The following CELSR3 variants were observed in gnomAD, a reference collection of about 807,000 sequenced individuals.
CELSR3 encodes the protein EGF-like protein 1.
Under a neutral mutation model 270.0 loss-of-function variants are expected in CELSR3, and 73 were observed. The ratio of observed to expected loss-of-function variants is 0.27; its 90% CI spans 0.22 to 0.33. The LOEUF is 0.33. Among genes scored for constraint, CELSR3 ranks in the 10% least tolerant of loss-of-function variants. The pLI is 1.00. For synonymous variants in CELSR3, 1,780 were observed against 1,905.4 expected (o/e 0.93, Z 1.71); for missense variants, 3,614 against 4,533.8 (o/e 0.80, Z 5.83).
rs1223025332 is a variant in CELSR3 at position 48,654,044 on chromosome 3, T to C, written c.5153-41A>G. 6.2e-7 allele frequency: 1 copy of C among 1,602,552 alleles called. No homozygotes were observed. Among genetic ancestry groups the C allele is most frequent in the Non-Finnish European group, 8.5e-7 (1 of 1,172,070 alleles). On this transcript the variant is annotated intron_variant, in intron 7 of 34. Transcript: ENST00000164024. The surrounding 1 kb of genome is among the most constrained non-coding windows in gnomAD (Gnocchi z 5.4). ...ACATGGCGGACATGAGAACAAGGGT[T>C]GGGGGGCACAAGTGCTGGACAGGAC...
chr3:48,659,746 G>A lies in CELSR3; in HGVS notation c.2889C>T (p.Ala963=). The change falls in exon 1 of 35, where the codon GCC becomes GCT. Residue 963 remains alanine (A), a synonymous_variant. Coordinates refer to ENST00000164024, the MANE Select transcript of CELSR3 (RefSeq NM_001407.3). The surrounding 1 kb of genome is among the most constrained non-coding windows in gnomAD (Gnocchi z 8.1). ...DVNDNAPQFV[A]SHYTGLVSED... ...CAGAGACCAGCCCTGTATAGTGGGA[G>A]GCCACAAATTGTGGAGCATTGTCAT... The A allele has an allele frequency of 6.2e-7, 1 of 1,614,220 alleles. No individual in the cohort carries two copies. The highest frequency in any genetic ancestry group is 8.5e-7 in the Non-Finnish European group (1 of 1,180,038).
rs1575539131 is a variant in CELSR3 at position 48,643,822 on chromosome 3, A to G, written c.8166-145T>C. The G allele has an allele frequency of 7.5e-6, 7 of 927,466 alleles. No individual in the cohort carries two copies. In the East Asian group the frequency reaches 1.6e-4, roughly 21 times the overall value. The allele number at this position is 927,466 out of a possible 1,614,324, so 57.5% of individuals were successfully genotyped here. ...GGGAACATGGAGGTCTCTGGAGGAC[A>G]CTGGGGGAGATGGGAGGTCCCACAA... On this transcript the variant is annotated intron_variant, in intron 27 of 34. Transcript: ENST00000164024.
In CELSR3 at chr3:48,644,990, G is replaced by A. The variant is rs749055287; in HGVS notation, c.7972+45C>T. 5 of 1,556,938 alleles carry A rather than the reference G, an allele frequency of 3.2e-6. No individual in the cohort carries two copies. The East Asian group carries it at 6.8e-5, about 21-fold the overall frequency. On this transcript the variant is annotated intron_variant, in intron 25 of 34. Coordinates refer to ENST00000164024, the MANE Select transcript of CELSR3 (RefSeq NM_001407.3). This position sits in a 1 kb window ranked among gnomAD's most constrained non-coding sequence, Gnocchi z 4.8. The stretch of plus-strand genomic sequence containing the variant: ...GAGCAGGAGTGGGGACAGGGTCAGG[G>A]GTCAGGCCATGTGATGGTTGGAGGT...
At position 48,648,826 on chromosome 3, in the gene CELSR3, T is replaced by C. The variant is rs1457947500; in HGVS notation, c.6670A>G (p.Ser2224Gly). 6.2e-7 allele frequency: 1 copy of C among 1,612,840 alleles called. No homozygotes were observed. Among genetic ancestry groups the C allele is most frequent in the Non-Finnish European group, 8.5e-7 (1 of 1,179,984 alleles). Residue 2224 changes from serine to glycine, a missense_variant, in exon 18 of 35, where the codon AGC becomes GGC. Around this residue, in one of 7 missense-constraint regions of CELSR3, gnomAD observed 1,331 missense variants for 1,933.7 expected, o/e 0.69. Transcript: ENST00000164024. Reference protein sequence around the residue: ...EVTGHTDHYFSQDVRVTARLL... With the variant: ...EVTGHTDHYFGQDVRVTARLL... ...CGGGCAGTGACTCGAACATCTTGGC[T>C]AAAATAGTGGTCAGTGTGGCCAGTC... is the stretch of plus-strand genomic sequence containing the variant.
chr3:48,644,817 C>T lies in CELSR3; in HGVS notation c.7984G>A (p.Gly2662Ser), dbSNP rs1179470313. 1.2e-6 allele frequency: 2 copies of T among 1,613,160 alleles called. No homozygotes were observed. Among genetic ancestry groups the T allele is most frequent in the Admixed American group, 3.3e-5 (2 of 59,998 alleles). The part of the protein sequence containing the change: ...VPAVLLGLAV[G>S]LDPEGYGNPD... The stretch of plus-strand genomic sequence containing the variant: ...TTCCCATAGCCCTCAGGGTCCAGGC[C>T]CACAGCAAGGCCTTGGGAAGAGAAA... The change falls in exon 26 of 35, where the codon GGC becomes AGC. Residue 2662 changes from glycine to serine, a missense_variant. Coordinates refer to ENST00000164024, the MANE Select transcript of CELSR3 (RefSeq NM_001407.3). This position sits in a 1 kb window ranked among gnomAD's most constrained non-coding sequence, Gnocchi z 4.8.
In CELSR3 at chr3:48,658,771, C is replaced by T. The variant is rs372755844; in HGVS notation, c.3748+116G>A. 4.2e-5 allele frequency: 55 copies of T among 1,305,412 alleles called. No homozygotes were observed. The African/African-American group carries it at 7.1e-4, about 17-fold the overall frequency. The allele number at this position is 1,305,412 out of a possible 1,614,324, so 80.9% of individuals were successfully genotyped here. On this transcript the variant is annotated intron_variant, in intron 1 of 34. Coordinates refer to ENST00000164024, the MANE Select transcript of CELSR3 (RefSeq NM_001407.3). The surrounding 1 kb of genome is among the most constrained non-coding windows in gnomAD (Gnocchi z 4.7). ...TCTTGTAGGGTGCAGGAACCCTACC[C>T]TTAAGGGGTTCTTGGAAGGCTTAGA...
In CELSR3 at chr3:48,648,001, C is replaced by T; in HGVS notation, c.6974-5G>A. On this transcript the variant is annotated splice_polypyrimidine_tract_variant and splice_region_variant and intron_variant, in intron 19 of 34. Transcript: ENST00000164024. The stretch of plus-strand genomic sequence containing the variant: ...CCATGCGGTCAATGCTGAGCACTAC[C>T]CAGGAGAAAGAAAGGGGAGGCCCAT... 1 of 1,611,552 alleles carries T rather than the reference C, an allele frequency of 6.2e-7. No individual in the cohort carries two copies. The highest frequency in any genetic ancestry group is 1.3e-5 in the African/African-American group (1 of 74,932).
At position 48,660,119 on chromosome 3, in the gene CELSR3, T is replaced by C. The variant is rs1392209704; in HGVS notation, c.2516A>G (p.His839Arg). Residue 839 changes from histidine (H) to arginine (R), a missense_variant, in exon 1 of 35, where the codon CAT (histidine) becomes CGT (arginine). Physicochemically the swap from His to Arg is conservative, Grantham distance 29. This residue lies in a region of CELSR3 where 215 missense variants were observed against 241.2 expected (regional missense o/e 0.89). Transcript: ENST00000164024. The surrounding 1 kb of genome is among the most constrained non-coding windows in gnomAD (Gnocchi z 5.5). ...GTTGATGTGCACATAGCAGTGATCA[T>C]GAAGGGCACGGTCAGATGCAGTTAG... is the stretch of plus-strand genomic sequence containing the variant. ...LVLTASDRAL[H>R]DHCYVHINIT... 2 of 1,614,190 alleles carry C rather than the reference T, an allele frequency of 1.2e-6. No individual in the cohort carries two copies. The highest frequency in any genetic ancestry group is 1.3e-5 in the African/African-American group (1 of 75,010).
rs1467640704 is a variant in CELSR3 at position 48,659,276 on chromosome 3, A to C, written c.3359T>G (p.Phe1120Cys). 6.2e-7 allele frequency: 1 copy of C among 1,614,016 alleles called. No individual in the cohort carries two copies. The highest frequency in any genetic ancestry group is 8.5e-7 in the Non-Finnish European group (1 of 1,180,012). The change falls in exon 1 of 35, where the codon TTC (phenylalanine) becomes TGC (cysteine). Residue 1120 changes from phenylalanine to cysteine, a missense_variant. Phe to Cys is a radical substitution (Grantham distance 205). Coordinates refer to ENST00000164024, the MANE Select transcript of CELSR3 (RefSeq NM_001407.3). The surrounding 1 kb of genome is among the most constrained non-coding windows in gnomAD (Gnocchi z 8.1). Reference protein sequence around the residue: ...NIPELFQMDIFSGELTALIDL... With the variant: ...NIPELFQMDICSGELTALIDL... ...AATGAGTGCCGTCAGTTCTCCAGAG[A>C]AGATGTCCATTTGGAACAGCTCAGG... is the stretch of plus-strand genomic sequence containing the variant.
chr3:48,643,751 G>T, intron 27 of CELSR3, 74 bp from the exon 28 acceptor site: 1 of 1,500,658 alleles, frequency 6.7e-7, no homozygotes. Flanking sequence ...AACACGGGAG[G>T]ACACACAGGG....
Position 48,642,922 on chromosome 3 carries a change from A to T in CELSR3, c.8407-38T>A, listed in dbSNP as rs1559475960. The T allele has an allele frequency of 1.2e-6, 2 of 1,611,234 alleles. No homozygotes were observed. Among genetic ancestry groups the T allele is most frequent in the Admixed American group, 1.7e-5 (1 of 59,968 alleles). On this transcript the variant is annotated intron_variant, in intron 29 of 34. Coordinates refer to ENST00000164024, the MANE Select transcript of CELSR3 (RefSeq NM_001407.3). This position sits in a 1 kb window ranked among gnomAD's most constrained non-coding sequence, Gnocchi z 6.1. ...GGGACAGAGTGTGAGCTAACCCTGA[A>T]GCAGCCTAAAACTCTGGCTTCTCAG...
rs2047087492 is a variant in CELSR3 at position 48,646,697 on chromosome 3, C to T, written c.7295+66G>A. 5 of 1,516,630 alleles carry T rather than the reference C, an allele frequency of 3.3e-6. No homozygotes were observed. The highest frequency in any genetic ancestry group is 4.5e-6 in the Non-Finnish European group (5 of 1,119,886). The allele number at this position is 1,516,630 out of a possible 1,614,324, so 93.9% of individuals were successfully genotyped here. ...GTGTGTTGTGAACCTACGCATCTAC[C>T]CACCAAAAAAGGGGCTGCCAGGCTG... On this transcript the variant is annotated intron_variant, in intron 21 of 34. Coordinates refer to ENST00000164024, the MANE Select transcript of CELSR3 (RefSeq NM_001407.3). The surrounding 1 kb of genome is among the most constrained non-coding windows in gnomAD (Gnocchi z 4.8).
rs2047023149 is a variant in CELSR3 at position 48,641,185 on chromosome 3, C to T, written c.9025+139G>A. Reference sequence around the variant, plus strand: ...GGAGCAGTCCCTGAGGACCGTGAAGCAGGCTAGAGAAGCAGAAGCGCCCTA... The same window carrying T: ...GGAGCAGTCCCTGAGGACCGTGAAGTAGGCTAGAGAAGCAGAAGCGCCCTA... On this transcript the variant is annotated intron_variant, in intron 33 of 34. Transcript: ENST00000164024. This position sits in a 1 kb window ranked among gnomAD's most constrained non-coding sequence, Gnocchi z 4.8. 1.5e-6 allele frequency: 1 copy of T among 667,708 alleles called. No homozygotes were observed. The highest frequency in any genetic ancestry group is 2.7e-6 in the Non-Finnish European group (1 of 370,216). The allele number at this position is 667,708 out of a possible 1,614,324, so 41.4% of individuals were successfully genotyped here.
Position 48,657,076 on chromosome 3 carries a change from C to G in CELSR3, c.4021G>C (p.Gly1341Arg). Reference sequence around the variant, plus strand: ...GAGCTGAACCAGGGCCCTGCAGCGCCCGCCCCGGCCCCACGTGGAGCTAGC... The same window carrying G: ...GAGCTGAACCAGGGCCCTGCAGCGCGCGCCCCGGCCCCACGTGGAGCTAGC... ...SALAPRGAGA[G>R]AAGPWFSSEE... The change falls in exon 2 of 35, where the codon GGC becomes CGC. Residue 1341 changes from glycine to arginine, a missense_variant. Transcript: ENST00000164024. The surrounding 1 kb of genome is among the most constrained non-coding windows in gnomAD (Gnocchi z 5.4). 6.2e-7 allele frequency: 1 copy of G among 1,613,830 alleles called. No individual in the cohort carries two copies. The highest frequency in any genetic ancestry group is 8.5e-7 in the Non-Finnish European group (1 of 1,179,954).
In CELSR3 at chr3:48,642,926, G is replaced by C. The variant is rs1021883513; in HGVS notation, c.8406+41C>G. On this transcript the variant is annotated intron_variant, in intron 29 of 34. Transcript: ENST00000164024. The surrounding 1 kb of genome is among the most constrained non-coding windows in gnomAD (Gnocchi z 6.1). Reference sequence around the variant, plus strand: ...CAGAGTGTGAGCTAACCCTGAAGCAGCCTAAAACTCTGGCTTCTCAGGGCC... The same window carrying C: ...CAGAGTGTGAGCTAACCCTGAAGCACCCTAAAACTCTGGCTTCTCAGGGCC... 1.9e-6 allele frequency: 3 copies of C among 1,610,498 alleles called. No individual in the cohort carries two copies. Among genetic ancestry groups the C allele is most frequent in the Non-Finnish European group, 2.5e-6 (3 of 1,178,030 alleles).
chr3:48,640,933 T>G lies in CELSR3; in HGVS notation c.9026-374A>C, dbSNP rs187660109. On this transcript the variant is annotated intron_variant, in intron 33 of 34. Coordinates refer to ENST00000164024, the MANE Select transcript of CELSR3 (RefSeq NM_001407.3). The surrounding 1 kb of genome is among the most constrained non-coding windows in gnomAD (Gnocchi z 7.5). ...AGGAGCAGTCCCCAGGTCCCTGTGA[T>G]GCAAGGGTGAGGGCAGAAACCTCTT... 1,225 of 383,990 alleles carry G rather than the reference T, an allele frequency of 3.2e-3. 10 individuals carry two copies. Among genetic ancestry groups the G allele is most frequent in the Non-Finnish European group, 2.9e-3 (616 of 213,536 alleles). 23.8% of individuals were successfully genotyped at this position (383,990 alleles called of 1,614,324 possible). A position where few individuals can be genotyped will look rare whatever the true frequency, so the allele number is the denominator to read the frequency against.
chr3:48,642,393 G>C lies in CELSR3; in HGVS notation c.8630C>G (p.Thr2877Ser). The C allele has an allele frequency of 6.2e-7, 1 of 1,613,328 alleles. No individual in the cohort carries two copies. The highest frequency in any genetic ancestry group is 8.5e-7 in the Non-Finnish European group (1 of 1,179,920). ...DHSLQAHAGPTDLDVAMFHRD... is the reference protein window; with the variant it reads ...DHSLQAHAGPSDLDVAMFHRD... Reference sequence around the variant, plus strand: ...ATGGAACATGGCCACGTCCAGGTCAGTGGGGCCAGCATGAGCCTGGAGGCT... The same window carrying C: ...ATGGAACATGGCCACGTCCAGGTCACTGGGGCCAGCATGAGCCTGGAGGCT... Residue 2877 changes from threonine to serine, a missense_variant, in exon 31 of 35, where the codon ACT becomes AGT. By Grantham distance (58) the Thr-to-Ser change is moderately conservative. This residue lies in a region of CELSR3 where 1,240 missense variants were observed against 1,351.7 expected (regional missense o/e 0.92). Coordinates refer to ENST00000164024, the MANE Select transcript of CELSR3 (RefSeq NM_001407.3). This position sits in a 1 kb window ranked among gnomAD's most constrained non-coding sequence, Gnocchi z 6.1.
chr3:48,654,143 G>T lies in CELSR3; in HGVS notation c.5153-140C>A. On this transcript the variant is annotated intron_variant, in intron 7 of 34. Coordinates refer to ENST00000164024, the MANE Select transcript of CELSR3 (RefSeq NM_001407.3). The surrounding 1 kb of genome is among the most constrained non-coding windows in gnomAD (Gnocchi z 5.4). ...CCATTTTCTTTCGATGAGTGGGGTT[G>T]GTAAGAGTCAGGCCCTAAAATCTGG... 6.7e-7 allele frequency: 1 copy of T among 1,489,138 alleles called. No individual in the cohort carries two copies. The highest frequency in any genetic ancestry group is 9.1e-7 in the Non-Finnish European group (1 of 1,101,784). The allele number at this position is 1,489,138 out of a possible 1,614,324, so 92.2% of individuals were successfully genotyped here. A position where few individuals can be genotyped will look rare whatever the true frequency, so the allele number is the denominator to read the frequency against.
In CELSR3 at chr3:48,652,537, C is replaced by T. The variant is rs2047146757; in HGVS notation, c.5651G>A (p.Gly1884Glu). 3.1e-6 allele frequency: 5 copies of T among 1,611,052 alleles called. No homozygotes were observed. In the East Asian group the frequency reaches 1.1e-4, roughly 36 times the overall value. ...TACCTTCAGGCCCTGCAGCTCACTC[C>T]CCACCGCCATGGTGTCCTGGAGGAA... Reference protein sequence around the residue: ...FSLFQDTMAVGSELQGLKVKQ... With the variant: ...FSLFQDTMAVESELQGLKVKQ... The change falls in exon 11 of 35, where the codon GGG becomes GAG. Residue 1884 changes from glycine (G) to glutamate (E), a missense_variant. Physicochemically the swap from Gly to Glu is moderately conservative, Grantham distance 98. Around this residue, in one of 7 missense-constraint regions of CELSR3, gnomAD observed 1,331 missense variants for 1,933.7 expected, o/e 0.69. Transcript: ENST00000164024. The surrounding 1 kb of genome is among the most constrained non-coding windows in gnomAD (Gnocchi z 4.3).
Sources: gnomAD v4.1 joint callset for allele counts on GRCh38, gnomAD v4.1.1 for gene constraint, gnomAD v4.1.1 regional missense constraint, Gnocchi (gnomAD v3.1) non-coding constraint, MANE v1.5 for transcripts, NCBI Gene and HGNC (gene_info 2026-07-23, HGNC 2026-07-21) for gene names.